The following PBX3 variants were observed in gnomAD, a reference collection of about 807,000 sequenced individuals.
PBX3 encodes the protein PBX homeobox 3, also known as pre-B-cell leukemia transcription factor 3.
In PBX3, 14 loss-of-function variants were observed where a neutral mutation model predicts 48.5. That is an observed-to-expected ratio of 0.29 (90% CI 0.19 to 0.45). The LOEUF (loss-of-function observed/expected upper bound fraction) is 0.45, where lower values mean the gene tolerates loss of function less well. Among genes scored for constraint, PBX3 ranks in the 20% least tolerant of loss-of-function variants. PBX3 has a pLI of 1.00. For synonymous variants in PBX3, 210 were observed against 200.3 expected (o/e 1.05, Z -0.41); for missense variants, 386 against 546.7 (o/e 0.71, Z 2.93).
intron 2 of PBX3, among the ~76,000 whole-genome samples, chr9:125,898,358 T>C (rs1840823294): frequency 6.6e-6 from 1 of 151,468 alleles, no homozygotes; most frequent in African/African-American, 2.4e-5. Context: ...TTAGGGAATT[T>C]AGTATAATAA....
At chr9:125,847,401 T>A (rs543022888) in intron 2 of PBX3, among the ~76,000 whole-genome samples, 12 of 152,138 alleles carry the variant, frequency 7.9e-5, no homozygotes, top group Non-Finnish European at 1.3e-4. Flanking sequence ...TTAAATTATG[T>A]TATAGCTGTG....
chr9:125,813,914 C>T (rs1838374742), intron 2 of PBX3, among the ~76,000 whole-genome samples: 1 of 148,614 alleles, frequency 6.7e-6, no homozygotes. Context: ...CCTGTAATCC[C>T]AAAACTTTGG....
At chr9:125,910,778 T>C (rs140407098) in intron 2 of PBX3, among the ~76,000 whole-genome samples, 236 of 150,976 alleles carry the variant, frequency 1.6e-3, no homozygotes, top group African/African-American at 5.6e-3. Context: ...TGCCATTTCC[T>C]CATAATCTTT....
intron 5 of PBX3, among the ~76,000 whole-genome samples, chr9:125,938,998 T>C (rs1461827916): frequency 1.3e-5 from 2 of 151,790 alleles, no homozygotes; most frequent in African/African-American, 4.8e-5. Flanking sequence ...TGTGTGTGTA[T>C]ATAAACACAC....
intron 2 of PBX3, among the ~76,000 whole-genome samples, chr9:125,818,937 G>C (rs1020816595): frequency 6.6e-6 from 1 of 151,972 alleles, no homozygotes; most frequent in Non-Finnish European, 1.5e-5. Flanking sequence ...CCAGGTTCAA[G>C]GAATTCACCT....
intron 2 of PBX3, among the ~76,000 whole-genome samples, chr9:125,793,436 T>C (rs1313013406): frequency 6.7e-6 from 1 of 148,386 alleles, no homozygotes; most frequent in East Asian, 2.0e-4. Flanking sequence ...CTTTTTTCCT[T>C]TTTTTTTGGT....
intron 2 of PBX3, among the ~76,000 whole-genome samples, chr9:125,805,049 T>C (rs887883358): frequency 5.9e-5 from 9 of 151,710 alleles, no homozygotes; most frequent in Admixed American, 1.3e-4. Context: ...AAAATCCAAG[T>C]ATATCAACAG....
intron 2 of PBX3, among the ~76,000 whole-genome samples, chr9:125,779,245 CTTTTTTT>C (rs34221799): frequency 7.8e-6 from 1 of 127,844 alleles, no homozygotes; most frequent in Admixed American, 7.8e-5. Flanking sequence ...AACTTTGTTC[CTTTTTTT>C]TTTTTTTTTA....
At chr9:125,877,098 A>G (rs779036179) in intron 2 of PBX3, among the ~76,000 whole-genome samples, 1 of 152,138 alleles carries the variant, frequency 6.6e-6, no homozygotes, top group Non-Finnish European at 1.5e-5. Flanking sequence ...GTGAGATTAT[A>G]AACAGCTTGA....
At chr9:125,761,801 G>A (rs1836675546) in intron 2 of PBX3, among the ~76,000 whole-genome samples, 1 of 152,150 alleles carries the variant, frequency 6.6e-6, no homozygotes, top group Admixed American at 6.5e-5. Context: ...ATAGAGGAAT[G>A]AGACTGAAGT....
intron 5 of PBX3, among the ~76,000 whole-genome samples, chr9:125,957,329 C>T (rs1399377130): frequency 1.3e-5 from 2 of 152,158 alleles, no homozygotes; most frequent in East Asian, 1.9e-4. Flanking sequence ...ACAGTAGCTT[C>T]GGATGAGTGG....
chr9:125,849,499 A>G (rs1252902944), intron 2 of PBX3, among the ~76,000 whole-genome samples: 1 of 151,974 alleles, frequency 6.6e-6, no homozygotes, highest in Non-Finnish European at 1.5e-5. Flanking sequence ...ACACATAATG[A>G]ACCAAGAGTA....
At chr9:125,933,048 T>C (rs10987045) in intron 4 of PBX3, among the ~76,000 whole-genome samples, 3,310 of 152,310 alleles carry the variant, frequency 0.022, 179 homozygotes, top group East Asian at 0.17. Context: ...ATGGGCATTT[T>C]CTACAGGATG....
chr9:125,954,979 G>A (rs1196487289), intron 5 of PBX3, among the ~76,000 whole-genome samples: 4 of 152,196 alleles, frequency 2.6e-5, no homozygotes, highest in Non-Finnish European at 4.4e-5. Flanking sequence ...TTACAACTAT[G>A]TAGACTTATG....
intron 2 of PBX3, among the ~76,000 whole-genome samples, chr9:125,863,431 C>T (rs921501751): frequency 4.6e-5 from 7 of 151,670 alleles, no homozygotes; most frequent in Non-Finnish European, 8.8e-5. Context: ...AGGATTGTCT[C>T]GATCTCTTGA....
chr9:125,905,056 T>C (rs1403496269), intron 2 of PBX3, among the ~76,000 whole-genome samples: 1 of 152,004 alleles, frequency 6.6e-6, no homozygotes, highest in South Asian at 2.1e-4. Context: ...TATAATCATA[T>C]TTATCTTAAT....
At chr9:125,923,628 C>T (rs978387190) in intron 3 of PBX3, among the ~76,000 whole-genome samples, 3 of 152,020 alleles carry the variant, frequency 2.0e-5, no homozygotes, top group South Asian at 2.1e-4. Context: ...TACAGTGGGG[C>T]GAACATGGCT....
At chr9:125,842,052 A>G (rs1839303212) in intron 2 of PBX3, among the ~76,000 whole-genome samples, 1 of 152,150 alleles carries the variant, frequency 6.6e-6, no homozygotes, top group Non-Finnish European at 1.5e-5. Flanking sequence ...CTCAACCTCT[A>G]ATTTTGAAAA....
At chr9:125,804,475 C>A (rs1037617960) in intron 2 of PBX3, among the ~76,000 whole-genome samples, 4 of 152,066 alleles carry the variant, frequency 2.6e-5, no homozygotes, top group African/African-American at 9.7e-5. Flanking sequence ...CTAGGGACAC[C>A]GTGACATGAA....
Sources: allele counts gnomAD v4.1 joint callset (sites outside exome capture counted in the v4.1 genomes callset), GRCh38; gene constraint gnomAD v4.1.1; transcripts MANE v1.5; gene names NCBI Gene and HGNC (gene_info 2026-07-23, HGNC 2026-07-21).